SLC10A7: variants seen among roughly 807,000 people sequenced by gnomAD.
SLC10A7 encodes the protein solute carrier family 10 member 7, also known as sodium/bile acid cotransporter 7.
A neutral mutation model predicts 43.2 loss-of-function variants in SLC10A7; 29 were observed. The observed-to-expected ratio is 0.67, with a 90% CI of 0.50 to 0.92. SLC10A7 has a LOEUF of 0.92. Among genes scored for constraint, SLC10A7 ranks in the 40% least tolerant of loss-of-function variants. The pLI is 0.00. For synonymous variants in SLC10A7, 152 were observed against 144.8 expected (o/e 1.05, Z -0.35); for missense variants, 295 against 403.2 (o/e 0.73, Z 2.30).
chr4:146,392,255 A>C (rs892262111), intron 5 of SLC10A7, among the ~76,000 whole-genome samples: 3 of 152,216 alleles, frequency 2.0e-5, no homozygotes, highest in Non-Finnish European at 2.9e-5. Context: ...TCTCACATGA[A>C]GGGTAACCAT....
chr4:146,388,156 T>G (rs561328884), intron 5 of SLC10A7, among the ~76,000 whole-genome samples: 23 of 152,296 alleles, frequency 1.5e-4, no homozygotes, highest in African/African-American at 5.5e-4. Flanking sequence ...GGCATCAAAT[T>G]ATCTGATATC....
intron 10 of SLC10A7, among the ~76,000 whole-genome samples, chr4:146,266,452 C>A (rs1578740606): frequency 6.6e-6 from 1 of 152,038 alleles, no homozygotes. Flanking sequence ...TGCACGCACA[C>A]ACACACATAC....
chr4:146,487,590 C>T (rs905512818), intron 4 of SLC10A7, among the ~76,000 whole-genome samples: 1 of 152,178 alleles, frequency 6.6e-6, no homozygotes, highest in Non-Finnish European at 1.5e-5. Context: ...TGAGATAATG[C>T]ATAATGGGAT....
chr4:146,456,319 T>C (rs1732047036), intron 4 of SLC10A7, among the ~76,000 whole-genome samples: 1 of 151,942 alleles, frequency 6.6e-6, no homozygotes, highest in Non-Finnish European at 1.5e-5. Context: ...CAGCTTTGTT[T>C]TAACCCAACT....
At chr4:146,281,245 T>C (rs1273215077) in intron 10 of SLC10A7, among the ~76,000 whole-genome samples, 1 of 152,150 alleles carries the variant, frequency 6.6e-6, no homozygotes, top group Non-Finnish European at 1.5e-5. Context: ...AAAAGCACAC[T>C]GTTCACACTG....
chr4:146,438,464 T>C (rs1438118626), intron 5 of SLC10A7, among the ~76,000 whole-genome samples: 1 of 152,094 alleles, frequency 6.6e-6, no homozygotes, highest in Non-Finnish European at 1.5e-5. Context: ...GATTTAACTT[T>C]CTGACTCTTT....
intron 4 of SLC10A7, among the ~76,000 whole-genome samples, chr4:146,483,466 C>T (rs1365175824): frequency 2.0e-5 from 3 of 151,434 alleles, no homozygotes; most frequent in South Asian, 2.1e-4. Flanking sequence ...AAAAACCCTA[C>T]ATCATATATA....
At chr4:146,426,590 C>G (rs76076429) in intron 5 of SLC10A7, among the ~76,000 whole-genome samples, 7,660 of 152,214 alleles carry the variant, frequency 0.05, 254 homozygotes, top group Non-Finnish European at 0.07. Flanking sequence ...AAACATATAA[C>G]AGGCCATTTG....
In SLC10A7 at chr4:146,344,003, A is replaced by G. The variant is rs547864993; in HGVS notation, c.436-18007T>C. Among the ~76,000 whole-genome samples the G allele has an allele frequency of 2.2e-4, 34 of 152,196 alleles. No individual in the cohort carries two copies. In the South Asian group the frequency reaches 6.4e-3, roughly 29 times the overall value. ...TCCAAATGTTTTTAGCTGCCCTCAGAAAGCGTTTGTGTGCTACATAAGAAA... is the reference window on the plus strand; with the variant it reads ...TCCAAATGTTTTTAGCTGCCCTCAGGAAGCGTTTGTGTGCTACATAAGAAA... On this transcript the variant is annotated intron_variant, in intron 5 of 11. Coordinates refer to ENST00000335472, the MANE Select transcript of SLC10A7 (RefSeq NM_001029998.6).
rs544990944 is a variant in SLC10A7, at chr4:146,305,026, G to A, written c.555+900C>T. On this transcript the variant is annotated intron_variant, in intron 7 of 11. Transcript: ENST00000335472. Reference sequence around the variant, plus strand: ...GTGGAAGTCAGTGTGGCGATTCCTCGGGGATCTAGAACTAGAAATACCATT... The same window carrying A: ...GTGGAAGTCAGTGTGGCGATTCCTCAGGGATCTAGAACTAGAAATACCATT... Among the ~76,000 whole-genome samples the A allele has an allele frequency of 3.0e-3, 458 of 151,628 alleles. 2 individuals carry two copies. Among genetic ancestry groups the A allele is most frequent in the African/African-American group, 1.0e-2 (413 of 41,310 alleles).
chr4:146,414,302 A>G (rs996309341), intron 5 of SLC10A7, among the ~76,000 whole-genome samples: 13 of 152,190 alleles, frequency 8.5e-5, no homozygotes, highest in Admixed American at 8.5e-4. Flanking sequence ...ATGTGCCCCC[A>G]CGAAAAGACA....
intron 6 of SLC10A7, among the ~76,000 whole-genome samples, chr4:146,312,347 T>C (rs772166103): frequency 6.6e-6 from 1 of 152,186 alleles, no homozygotes; most frequent in African/African-American, 2.4e-5. Flanking sequence ...ACATGATGTT[T>C]TGATATACAT....
intron 4 of SLC10A7, among the ~76,000 whole-genome samples, chr4:146,471,703 T>A (rs965957597): frequency 5.9e-5 from 9 of 152,220 alleles, no homozygotes; most frequent in Non-Finnish European, 1.2e-4. Flanking sequence ...AAATTATTTA[T>A]ATGCTTTATC....
intron 2 of SLC10A7, among the ~76,000 whole-genome samples, chr4:146,511,014 G>A (rs752615674): frequency 2.6e-5 from 4 of 152,078 alleles, no homozygotes; most frequent in Admixed American, 2.6e-4. Flanking sequence ...ATCCTCACAA[G>A]AATCTCAGTA....
chr4:146,388,033 C>G (rs1268206569), intron 5 of SLC10A7, among the ~76,000 whole-genome samples: 1 of 152,140 alleles, frequency 6.6e-6, no homozygotes, highest in African/African-American at 2.4e-5. Context: ...TAATCCCTAT[C>G]AAATTACCAA....
chr4:146,471,154 A>T (rs1733534065), intron 4 of SLC10A7, among the ~76,000 whole-genome samples: 2 of 152,128 alleles, frequency 1.3e-5, no homozygotes, highest in African/African-American at 4.8e-5. Context: ...CTAATCCGAA[A>T]ATCCAAAATC....
At chr4:146,395,198 C>T (rs894938831) in intron 5 of SLC10A7, among the ~76,000 whole-genome samples, 6 of 151,848 alleles carry the variant, frequency 4.0e-5, no homozygotes, top group African/African-American at 1.5e-4. Flanking sequence ...GCAAGACCCC[C>T]AACTCTACAA....
chr4:146,392,375 T>C (rs936169606), intron 5 of SLC10A7, among the ~76,000 whole-genome samples: 2 of 152,160 alleles, frequency 1.3e-5, no homozygotes, highest in African/African-American at 4.8e-5. Context: ...GATTGAATGG[T>C]CAGAGGCAGA....
At chr4:146,295,850 G>T (rs1272811317) in intron 7 of SLC10A7, among the ~76,000 whole-genome samples, 1 of 151,976 alleles carries the variant, frequency 6.6e-6, no homozygotes, top group Non-Finnish European at 1.5e-5. Context: ...AATACACAAT[G>T]GTTAAAAACA....
Sources: allele counts gnomAD v4.1 joint callset (sites outside exome capture counted in the v4.1 genomes callset), GRCh38; gene constraint gnomAD v4.1.1; transcripts MANE v1.5; gene names NCBI Gene and HGNC (gene_info 2026-07-23, HGNC 2026-07-21).